The following EBF1 variants were observed in gnomAD, a reference collection of about 807,000 sequenced individuals.
The protein encoded by EBF1 is transcription factor COE1.
In EBF1, 10 loss-of-function variants were observed where a neutral mutation model predicts 68.4. That is an observed-to-expected ratio of 0.15 (90% CI 0.09 to 0.25). EBF1 has a LOEUF of 0.25. EBF1 is among the 10% of genes least tolerant of loss of function. EBF1 has a pLI of 1.00. For missense variants in EBF1, 509 were observed against 794.4 expected, an observed-to-expected ratio of 0.64 and a Z score of 4.32; for synonymous variants, 298 against 299.8, an observed-to-expected ratio of 0.99 and a Z score of 0.06.
intron 6 of EBF1, among the ~76,000 whole-genome samples, chr5:158,865,100 G>A (rs540141381): frequency 1.3e-5 from 2 of 152,068 alleles, no homozygotes; most frequent in Admixed American, 6.5e-5. Flanking sequence ...CAGAGAAACC[G>A]GCCCACCTTC....
At chr5:158,999,776 T>C (rs11745193) in intron 6 of EBF1, among the ~76,000 whole-genome samples, 10,109 of 152,240 alleles carry the variant, frequency 0.066, 690 homozygotes, top group African/African-American at 0.18. Flanking sequence ...TAACGAAGCC[T>C]CTATCCACCA....
intron 6 of EBF1, among the ~76,000 whole-genome samples, chr5:158,966,930 T>G (rs548966605): frequency 6.6e-6 from 1 of 152,182 alleles, no homozygotes; most frequent in East Asian, 1.9e-4. Flanking sequence ...TAGTGAAGGA[T>G]AGTAATTTAG....
At chr5:158,706,870 TGA>T (rs1425873174) in intron 15 of EBF1, among the ~76,000 whole-genome samples, 1 of 152,256 alleles carries the variant, frequency 6.6e-6, no homozygotes, top group Non-Finnish European at 1.5e-5. Flanking sequence ...TAGGAAGATG[TGA>T]GGATTAAATG....
chr5:158,763,284 A>C (rs1196736093), intron 10 of EBF1, among the ~76,000 whole-genome samples: 1 of 152,188 alleles, frequency 6.6e-6, no homozygotes, highest in African/African-American at 2.4e-5. Context: ...GGTGGACCCC[A>C]CTAAGTCCCT....
intron 6 of EBF1, among the ~76,000 whole-genome samples, chr5:159,054,485 C>A (rs532736309): frequency 6.6e-6 from 1 of 152,276 alleles, no homozygotes; most frequent in East Asian, 1.9e-4. Context: ...GTCTCCTCTG[C>A]ACATAGAAAA....
At chr5:158,712,881 ATTT>A (rs1052823490) in intron 13 of EBF1, 86 bp downstream of exon 13, 1 of 1,283,412 alleles carries the variant, frequency 7.8e-7, no homozygotes, top group Admixed American at 2.8e-5. Context: ...GATGAAAATA[ATTT>A]TTTAATGTAA....
intron 10 of EBF1, among the ~76,000 whole-genome samples, chr5:158,739,648 C>T (rs1432367816): frequency 6.6e-6 from 1 of 152,130 alleles, no homozygotes; most frequent in Non-Finnish European, 1.5e-5. Flanking sequence ...ATATTGGAGA[C>T]CAACATATTC....
chr5:158,736,778 G>C (rs566090209), intron 10 of EBF1, among the ~76,000 whole-genome samples: 1 of 152,234 alleles, frequency 6.6e-6, no homozygotes, highest in Non-Finnish European at 1.5e-5. Flanking sequence ...TTTTCCCTCA[G>C]TCACTAAATT....
At chr5:158,757,632 G>T (rs959678031) in intron 10 of EBF1, among the ~76,000 whole-genome samples, 6 of 152,174 alleles carry the variant, frequency 3.9e-5, no homozygotes, top group Admixed American at 2.0e-4. Context: ...TCTGAAGCCA[G>T]TCTGCCAGTG....
At chr5:158,939,036 G>A (rs1183268312) in intron 6 of EBF1, among the ~76,000 whole-genome samples, 1 of 152,196 alleles carries the variant, frequency 6.6e-6, no homozygotes, top group African/African-American at 2.4e-5. Flanking sequence ...AGCAAGAGCT[G>A]TGTCCATATT....
At chr5:159,022,421 G>C (rs559005288) in intron 6 of EBF1, among the ~76,000 whole-genome samples, 105 of 152,286 alleles carry the variant, frequency 6.9e-4, no homozygotes, top group African/African-American at 2.4e-3. Context: ...TAAAGTGCGC[G>C]GGCAGGCTTC....
chr5:158,977,011 G>A (rs1291106709), intron 6 of EBF1, among the ~76,000 whole-genome samples: 1 of 152,154 alleles, frequency 6.6e-6, no homozygotes, highest in African/African-American at 2.4e-5. Flanking sequence ...GGAAATCTCA[G>A]AATCTGCCCC....
Position 159,099,607 on chromosome 5 carries a change from G to C in EBF1, c.-129C>G. ...CCAGAGATTTTTTTTTTTCTCAGAC[G>C]ATGAACTCGCACTTAGAAGATCAAG... On this transcript the variant is annotated 5_prime_UTR_variant, in exon 1 of 16. It adds an upstream start codon to the 5' untranslated region. Coordinates refer to ENST00000313708, the MANE Select transcript of EBF1 (RefSeq NM_024007.5). 7.9e-7 allele frequency: 1 copy of C among 1,265,028 alleles called. No homozygotes were observed. The highest frequency in any genetic ancestry group is 1.0e-6 in the Non-Finnish European group (1 of 961,552). The allele number at this position is 1,265,028 out of a possible 1,614,324, so 78.4% of individuals were successfully genotyped here. A position where few individuals can be genotyped will look rare whatever the true frequency, so the allele number is the denominator to read the frequency against.
chr5:158,969,904 GAAAGAAAGAAAGAAA>G lies in EBF1; in HGVS notation c.554+103477_554+103491del, dbSNP rs1226587108. Among the ~76,000 whole-genome samples, 1,009 of 105,636 alleles carry G rather than the reference GAAAGAAAGAAAGAAA, an allele frequency of 9.6e-3. 18 individuals are homozygous for G. The highest frequency in any genetic ancestry group is 0.019 in the Middle Eastern group (4 of 210). The allele number at this position is 105,636 out of a possible 152,430, so 69.3% of individuals were successfully genotyped here. On this transcript the variant is annotated intron_variant, in intron 6 of 15. Coordinates refer to ENST00000313708, the MANE Select transcript of EBF1 (RefSeq NM_024007.5). ...AGAAAGAAAGAAAGAAAGAAAGAAAGAAAGAAAGAAAGAAAAAAAAAAAAAAGGCTGCTGGAAGTT... is the reference window on the plus strand; with the variant it reads ...AGAAAGAAAGAAAGAAAGAAAGAAAGAAAAAAAAAAAGGCTGCTGGAAGTT...
chr5:158,910,610 AT>A (rs1430218158), intron 6 of EBF1, among the ~76,000 whole-genome samples: 7 of 152,238 alleles, frequency 4.6e-5, no homozygotes, highest in Non-Finnish European at 7.3e-5. Context: ...TCTTTGCTCA[AT>A]AAAAAATTAA....
intron 8 of EBF1, among the ~76,000 whole-genome samples, chr5:158,810,215 G>A (rs1339349924): frequency 6.6e-6 from 1 of 152,136 alleles, no homozygotes; most frequent in Non-Finnish European, 1.5e-5. Flanking sequence ...CATTGGAACT[G>A]GCTGGGATAT....
chr5:158,803,726 T>C (rs1781053208), intron 8 of EBF1, among the ~76,000 whole-genome samples: 1 of 151,996 alleles, frequency 6.6e-6, no homozygotes, highest in East Asian at 1.9e-4. Context: ...TAGCAGCCTT[T>C]ATAACACTTA....
intron 10 of EBF1, among the ~76,000 whole-genome samples, chr5:158,774,745 A>G (rs1358811241): frequency 6.6e-6 from 1 of 152,160 alleles, no homozygotes. Context: ...TAAATCACAG[A>G]GGCCAGTAGC....
rs148120610 is a variant in EBF1 at position 158,926,448 on chromosome 5, G to T, written c.555-86338C>A. Among the ~76,000 whole-genome samples, 1,094 of 152,154 alleles carry T rather than the reference G, an allele frequency of 7.2e-3. 12 individuals carry two copies. The highest frequency in any genetic ancestry group is 0.025 in the African/African-American group (1,049 of 41,518). On this transcript the variant is annotated intron_variant, in intron 6 of 15. Coordinates refer to ENST00000313708, the MANE Select transcript of EBF1 (RefSeq NM_024007.5). ...ATTAGAAATAACTATCTTATTGGCCGGGCGCAGTGGATCACGCCTGTAATC... is the reference window on the plus strand; with the variant it reads ...ATTAGAAATAACTATCTTATTGGCCTGGCGCAGTGGATCACGCCTGTAATC...
Sources: gnomAD v4.1 joint callset for allele counts (sites outside exome capture counted in the v4.1 genomes callset) on GRCh38, gnomAD v4.1.1 for gene constraint, MANE v1.5 for transcripts, NCBI Gene and HGNC (gene_info 2026-07-23, HGNC 2026-07-21) for gene names.